PTPRN2: variants seen among roughly 807,000 people sequenced by gnomAD.
PTPRN2 encodes protein tyrosine phosphatase receptor type N2.
Under a neutral mutation model 118.8 loss-of-function variants are expected in PTPRN2, and 74 were observed. The ratio of observed to expected loss-of-function variants is 0.62; its 90% CI spans 0.52 to 0.76. The LOEUF (loss-of-function observed/expected upper bound fraction) is 0.76. Ranked by LOEUF, PTPRN2 falls within the 30% of genes least tolerant of loss-of-function variation. The pLI, the probability that PTPRN2 is intolerant of heterozygous loss-of-function variation, is 0.00. For missense variants in PTPRN2, 1,481 were observed against 1,394.4 expected, an observed-to-expected ratio of 1.06 and a Z score of -0.99; for synonymous variants, 641 against 608.0, an observed-to-expected ratio of 1.05 and a Z score of -0.80.
chr7:157,873,614 C>T (rs1291520841), intron 12 of PTPRN2, among the ~76,000 whole-genome samples: 1 of 79,310 alleles, frequency 1.3e-5, no homozygotes, highest in Non-Finnish European at 2.4e-5. Context: ...GGGAGGAGAA[C>T]GTACTGTCCT....
At chr7:158,491,448 G>A (rs541058471) in intron 1 of PTPRN2, among the ~76,000 whole-genome samples, 60 of 152,306 alleles carry the variant, frequency 3.9e-4, no homozygotes, top group Admixed American at 3.5e-3. Flanking sequence ...TTTGGTTTGG[G>A]GGAGTTTTTG....
chr7:158,345,704 G>C (rs961435607), intron 2 of PTPRN2, among the ~76,000 whole-genome samples: 3 of 152,042 alleles, frequency 2.0e-5, no homozygotes, highest in Non-Finnish European at 4.4e-5. Flanking sequence ...TATATATATG[G>C]GTGTCCATTT....
In PTPRN2 at chr7:158,459,683, G is replaced by C. The variant is rs1420592485; in HGVS notation, c.163+30052C>G. 2.0e-5 allele frequency among the ~76,000 whole-genome samples: 3 copies of C among 152,208 alleles called. No individual in the cohort carries two copies. In the East Asian group the frequency reaches 5.8e-4, roughly 29 times the overall value. On this transcript the variant is annotated intron_variant, in intron 2 of 22. Transcript: ENST00000389418. ...AGCCGCTGTGGCTGCCCACATCATG[G>C]TGCTGGGCCCTGCCGTTTCTCCATC... is the stretch of plus-strand genomic sequence containing the variant.
chr7:158,361,161 A>ACGT (rs1563200047), intron 2 of PTPRN2, among the ~76,000 whole-genome samples: 1 of 7,586 alleles, frequency 1.3e-4, no homozygotes, highest in African/African-American at 2.1e-3. Flanking sequence ...CAGACCCTGC[A>ACGT]TCCACCCTCA....
At chr7:157,894,004 C>T (rs1185572822) in intron 12 of PTPRN2, among the ~76,000 whole-genome samples, 1 of 152,210 alleles carries the variant, frequency 6.6e-6, no homozygotes, top group East Asian at 1.9e-4. Flanking sequence ...CCTCCAGCTT[C>T]ACCTGGAATG....
intron 12 of PTPRN2, among the ~76,000 whole-genome samples, chr7:157,688,535 G>C (rs1446600438): frequency 6.6e-6 from 1 of 152,156 alleles, no homozygotes; most frequent in South Asian, 2.1e-4. Context: ...TTAAGGCACC[G>C]GCTCCTGACC....
chr7:157,672,661 G>A (rs926967296), intron 13 of PTPRN2, among the ~76,000 whole-genome samples: 3 of 152,118 alleles, frequency 2.0e-5, no homozygotes, highest in Admixed American at 2.0e-4. Flanking sequence ...TCCAGCTTCC[G>A]CTCTCCTCAG....
At chr7:158,305,041 C>A (rs889024552) in intron 3 of PTPRN2, among the ~76,000 whole-genome samples, 4 of 152,138 alleles carry the variant, frequency 2.6e-5, no homozygotes, top group African/African-American at 7.2e-5. Context: ...TGCAAAAGGT[C>A]TGCTTTGTCT....
Position 157,563,080 on chromosome 7 carries a change from G to A in PTPRN2, c.2902+5822C>T, listed in dbSNP as rs1322532818. Among the ~76,000 whole-genome samples, 16 of 125,416 alleles carry A rather than the reference G, an allele frequency of 1.3e-4. 1 individual carries two copies. Among genetic ancestry groups the A allele is most frequent in the Admixed American group, 1.2e-3 (15 of 12,662 alleles). The allele number at this position is 125,416 out of a possible 152,430, so 82.3% of individuals were successfully genotyped here. A position where few individuals can be genotyped will look rare whatever the true frequency, so the allele number is the denominator to read the frequency against. On this transcript the variant is annotated intron_variant, in intron 21 of 22. Coordinates refer to ENST00000389418, the MANE Select transcript of PTPRN2 (RefSeq NM_002847.5). ...ACCACACACCACAGATCAGGACCAC[G>A]TGCTCCCACGTCACCACACACAGCA...
chr7:157,786,772 G>A (rs1218406742), intron 12 of PTPRN2, among the ~76,000 whole-genome samples: 2 of 152,264 alleles, frequency 1.3e-5, no homozygotes, highest in African/African-American at 2.4e-5. Context: ...ATTTAAAAAC[G>A]CGTAAGACTC....
intron 11 of PTPRN2, among the ~76,000 whole-genome samples, chr7:157,909,567 C>T (rs1421572193): frequency 1.3e-5 from 2 of 152,280 alleles, no homozygotes; most frequent in Non-Finnish European, 2.9e-5. Flanking sequence ...CCTGCTCAGC[C>T]CCTTCAGCGC....
chr7:158,023,317 TCTCTGCTCTCTCAGTCCCCAGGTGAGG>T (rs1343029772), intron 11 of PTPRN2, among the ~76,000 whole-genome samples: 4 of 151,752 alleles, frequency 2.6e-5, no homozygotes, highest in Non-Finnish European at 5.9e-5. Context: ...CCCAGGTGAG[TCTCTGCTCTCTCAGTCCCCAGGTGAGG>T]CTCTGCTCCC....
intron 12 of PTPRN2, among the ~76,000 whole-genome samples, chr7:157,756,804 A>C (rs1221463656): frequency 3.3e-4 from 50 of 152,232 alleles, no homozygotes; most frequent in East Asian, 3.9e-4. Context: ...AAAAAAAAAA[A>C]AAACCCTGTT....
At chr7:157,700,390 C>G (rs571325827) in intron 12 of PTPRN2, among the ~76,000 whole-genome samples, 1 of 152,348 alleles carries the variant, frequency 6.6e-6, no homozygotes, top group South Asian at 2.1e-4. Flanking sequence ...ACGTTCGCAA[C>G]AGAGTCAGTT....
At chr7:158,126,782 G>C (rs926474262) in intron 9 of PTPRN2, among the ~76,000 whole-genome samples, 2 of 152,208 alleles carry the variant, frequency 1.3e-5, no homozygotes, top group South Asian at 2.1e-4. Context: ...CGAGGAAGGG[G>C]CTGGGGGAAC....
chr7:158,302,275 C>A (rs1265129191), intron 3 of PTPRN2, among the ~76,000 whole-genome samples: 1 of 152,182 alleles, frequency 6.6e-6, no homozygotes. Flanking sequence ...CACCTGAGCC[C>A]AAGGGAACAG....
At chr7:158,454,922 C>G (rs891855706) in intron 2 of PTPRN2, among the ~76,000 whole-genome samples, 3 of 152,146 alleles carry the variant, frequency 2.0e-5, no homozygotes, top group Non-Finnish European at 2.9e-5. Context: ...TCAGCGACCC[C>G]CCGGGGGCCC....
chr7:158,272,613 G>T (rs1450798380), intron 3 of PTPRN2, among the ~76,000 whole-genome samples: 1 of 152,176 alleles, frequency 6.6e-6, no homozygotes, highest in Non-Finnish European at 1.5e-5. Context: ...AGACACCAGG[G>T]TTGAAAGCCT....
chr7:157,593,489 A>G (rs538718731), intron 17 of PTPRN2, among the ~76,000 whole-genome samples: 10 of 152,390 alleles, frequency 6.6e-5, no homozygotes, highest in African/African-American at 2.4e-4. Context: ...CCCATGCCAC[A>G]CAAATAAGCA....
Sources: allele counts gnomAD v4.1 joint callset (sites outside exome capture counted in the v4.1 genomes callset), GRCh38; gene constraint gnomAD v4.1.1; transcripts MANE v1.5; gene names NCBI Gene and HGNC (gene_info 2026-07-23, HGNC 2026-07-21).